ADM: variants seen among roughly 807,000 people sequenced by gnomAD.
The protein encoded by ADM is adrenomedullin, also known as pro-adrenomedullin.
A neutral mutation model predicts 9.0 loss-of-function variants in ADM; 4 were observed. The observed-to-expected ratio is 0.44, with a 90% CI of 0.22 to 1.02. The LOEUF (loss-of-function observed/expected upper bound fraction) is 1.02. Among genes scored for constraint, ADM ranks in the 50% least tolerant of loss-of-function variants. ADM has a pLI of 0.24. For synonymous variants in ADM, 107 were observed against 107.2 expected, an observed-to-expected ratio of 1.00 and a Z score of 0.01; for missense variants, 253 against 254.1, an observed-to-expected ratio of 1.00 and a Z score of 0.03.
Position 10,306,015 on chromosome 11 carries a change from G to C in ADM, c.165G>C (p.Gly55=), listed in dbSNP as rs1183678654. 1 of 1,613,942 alleles carries C rather than the reference G, an allele frequency of 6.2e-7. No individual in the cohort carries two copies. Among genetic ancestry groups the C allele is most frequent in the African/African-American group, 1.3e-5 (1 of 74,928 alleles). ...GGATGTCCAGCAGCTACCCCACCGG[G>C]CTCGCTGACGTGAAGGCCGGGCCTG... is the stretch of plus-strand genomic sequence containing the variant. ...ELRMSSSYPT[G]LADVKAGPAQ... is the part of the protein sequence containing the mutation. The change falls in exon 3 of 4, where the codon GGG becomes GGC. Residue 55 remains glycine, a synonymous_variant. Transcript: ENST00000278175.
chr11:10,306,124 G>A (rs1194833611), intron 3 of ADM, 26 bp downstream of exon 3: 5 of 1,610,996 alleles, frequency 3.1e-6, no homozygotes, highest in Non-Finnish European at 4.2e-6. Flanking sequence ...GCTGTCCAGG[G>A]ACGGGAGGGA....
intron 1 of ADM, chr11:10,305,443 A>G (rs1373799741): frequency 6.4e-5 from 34 of 529,250 alleles, no homozygotes; most frequent in Non-Finnish European, 4.8e-5. Context: ...CAAGAAGTTG[A>G]GCAGAGACCC....
intron 3 of ADM, 21 bp from the exon 4 acceptor site, chr11:10,306,311 T>TGGGGGGGGG: frequency 6.6e-5 from 102 of 1,543,324 alleles, no homozygotes; most frequent in Middle Eastern, 1.7e-4. Context: ...TTGCCTTTCT[T>TGGGGGGGGG]CCCCCTCCCC....
chr11:10,305,770 T>G lies in ADM; in HGVS notation c.70T>G (p.Leu24Val), dbSNP rs1406433799. The G allele has an allele frequency of 1.2e-6, 2 of 1,614,038 alleles. No homozygotes were observed. The highest frequency in any genetic ancestry group is 1.7e-6 in the Non-Finnish European group (2 of 1,180,020). The change falls in exon 2 of 4, where the codon TTG becomes GTG. Residue 24 changes from leucine (L) to valine (V), a missense_variant. By Grantham distance (32) the Leu-to-Val change is conservative. Transcript: ENST00000278175. Reference sequence around the variant, plus strand: ...CTTCCTAGGCGCTGACACCGCTCGGTTGGATGTCGCGTCGGAGTTTCGAAA... The same window carrying G: ...CTTCCTAGGCGCTGACACCGCTCGGGTGGATGTCGCGTCGGAGTTTCGAAA... ...LAFLGADTARLDVASEFRKKW... is the reference protein window; with the variant it reads ...LAFLGADTARVDVASEFRKKW...
chr11:10,306,311 TCCCCCTCC>T lies in ADM; in HGVS notation c.249-16_249-9del. ...TGATGGGGTCTCAAGTTGCCTTTCTTCCCCCTCCCCCCGCCCGCAGCAGTCCGGATGCC... is the reference window on the plus strand; with the variant it reads ...TGATGGGGTCTCAAGTTGCCTTTCTTCCCCGCCCGCAGCAGTCCGGATGCC... On this transcript the variant is annotated splice_polypyrimidine_tract_variant and intron_variant, in intron 3 of 3. Transcript: ENST00000278175. 42 of 1,542,990 alleles carry T rather than the reference TCCCCCTCC, an allele frequency of 2.7e-5. No individual in the cohort carries two copies. The highest frequency in any genetic ancestry group is 3.5e-5 in the Non-Finnish European group (39 of 1,125,500).
chr11:10,306,145 G>A, intron 3 of ADM, 47 bp downstream of exon 3: 1 of 1,601,622 alleles, frequency 6.2e-7, no homozygotes. Context: ...AGGAAGGTGT[G>A]CGGGAGGAGT....
In ADM at chr11:10,307,382, A is replaced by ACT. The variant is rs1565453691; in HGVS notation, c.*742_*743dup. ...TGATATGCGAACAGCAAACCAATAAACTGTCTCAATGCTGATTCATTCTCT... is the reference window on the plus strand; with the variant it reads ...TGATATGCGAACAGCAAACCAATAAACTCTGTCTCAATGCTGATTCATTCTCT... On this transcript the variant is annotated 3_prime_UTR_variant, in exon 4 of 4. Transcript: ENST00000278175. This position sits in a 1 kb window ranked among gnomAD's most constrained non-coding sequence, Gnocchi z 4.5. The ACT allele has an allele frequency of 6.6e-6, 1 of 152,652 alleles. No individual in the cohort carries two copies. Among genetic ancestry groups the ACT allele is most frequent in the East Asian group, 1.9e-4 (1 of 5,196 alleles). The allele number at this position is 152,652 out of a possible 1,614,324, so 9.5% of individuals were successfully genotyped here. A position where few individuals can be genotyped will look rare whatever the true frequency, so the allele number is the denominator to read the frequency against.
chr11:10,306,336 C>T lies in ADM; in HGVS notation c.253C>T (p.Pro85Ser). ...GASRSPEDSS[P>S]DAARIRVKRY... ...TCCCCCTCCCCCCGCCCGCAGCAGT[C>T]CGGATGCCGCCCGCATCCGAGTCAA... Residue 85 changes from proline (P) to serine (S), a missense_variant, in exon 4 of 4, where the codon CCG (proline) becomes TCG (serine). By Grantham distance (74) the Pro-to-Ser change is moderately conservative (BLOSUM62 -1). Transcript: ENST00000278175. 6.2e-7 allele frequency: 1 copy of T among 1,600,044 alleles called. No homozygotes were observed.
In ADM at chr11:10,306,498, A is replaced by C. The variant is rs1467046970; in HGVS notation, c.415A>C (p.Ser139Arg). ...GGACAAGGACAACGTCGCCCCCAGG[A>C]GCAAGATCAGCCCCCAGGGCTACGG... ...DKDKDNVAPR[S>R]KISPQGYGRR... The change falls in exon 4 of 4, where the codon AGC becomes CGC. Residue 139 changes from serine (S) to arginine (R), a missense_variant. Ser to Arg is a moderately radical substitution (Grantham distance 110). Coordinates refer to ENST00000278175, the MANE Select transcript of ADM (RefSeq NM_001124.3). 1 of 1,611,160 alleles carries C rather than the reference A, an allele frequency of 6.2e-7. No homozygotes were observed. The highest frequency in any genetic ancestry group is 2.2e-5 in the East Asian group (1 of 44,768).
At position 10,306,626 on chromosome 11, in the gene ADM, T is replaced by C; in HGVS notation, c.543T>C (p.Ala181=). Residue 181 remains alanine (A), a synonymous_variant, in exon 4 of 4, where the codon GCT becomes GCC. Transcript: ENST00000278175. ...HGAPAPPSGS[A]PHFL Reference sequence around the variant, plus strand: ...CTCCAGCCCCCCCGAGTGGAAGTGCTCCCCACTTTCTTTAGGATTTAGGCG... The same window carrying C: ...CTCCAGCCCCCCCGAGTGGAAGTGCCCCCCACTTTCTTTAGGATTTAGGCG... 6.5e-7 allele frequency: 1 copy of C among 1,536,868 alleles called. No individual in the cohort carries two copies. Among genetic ancestry groups the C allele is most frequent in the Admixed American group, 2.2e-5 (1 of 45,498 alleles).
chr11:10,305,897 G>A (rs1964649719), intron 2 of ADM, 52 bp from the exon 3 acceptor site: 1 of 1,612,548 alleles, frequency 6.2e-7, no homozygotes, highest in Non-Finnish European at 8.5e-7. Context: ...AGCAGGGACA[G>A]GCCTGGGCGT....
intron 2 of ADM, 57 bp from the exon 3 acceptor site, chr11:10,305,892 G>A: frequency 6.2e-7 from 1 of 1,612,154 alleles, no homozygotes; most frequent in Non-Finnish European, 8.5e-7. Flanking sequence ...ATGGGAGCAG[G>A]GACAGGCCTG....
Position 10,306,032 on chromosome 11 carries a change from C to T in ADM, c.182C>T (p.Ala61Val). 6.2e-7 allele frequency: 1 copy of T among 1,614,118 alleles called. No individual in the cohort carries two copies. The highest frequency in any genetic ancestry group is 8.5e-7 in the Non-Finnish European group (1 of 1,180,040). ...SYPTGLADVK[A>V]GPAQTLIRPQ... Reference sequence around the variant, plus strand: ...CCCACCGGGCTCGCTGACGTGAAGGCCGGGCCTGCCCAGACCCTTATTCGG... The same window carrying T: ...CCCACCGGGCTCGCTGACGTGAAGGTCGGGCCTGCCCAGACCCTTATTCGG... The change falls in exon 3 of 4, where the codon GCC becomes GTC. Residue 61 changes from alanine to valine, a missense_variant. Ala to Val is a moderately conservative substitution (Grantham distance 64). Coordinates refer to ENST00000278175, the MANE Select transcript of ADM (RefSeq NM_001124.3).
At chr11:10,306,249 T>A in intron 3 of ADM, 83 bp from the exon 4 acceptor site, 2 of 1,555,552 alleles carry the variant, frequency 1.3e-6, no homozygotes, top group Admixed American at 1.8e-5. Flanking sequence ...GGCTCTAGAA[T>A]GGCTCCCGTT....
chr11:10,306,949 C>T lies in ADM; in HGVS notation c.*308C>T, dbSNP rs576918361. 3 of 287,642 alleles carry T rather than the reference C, an allele frequency of 1.0e-5. No individual in the cohort carries two copies. The highest frequency in any genetic ancestry group is 1.9e-5 in the Non-Finnish European group (3 of 155,716). 17.8% of individuals were successfully genotyped at this position (287,642 alleles called of 1,614,324 possible). The stretch of plus-strand genomic sequence containing the variant: ...ATGCTGAGACCCCCGGAGCAGGGGT[C>T]TGAGCCACAGCCGTGCTCGCCCACA... On this transcript the variant is annotated 3_prime_UTR_variant, in exon 4 of 4. Coordinates refer to ENST00000278175, the MANE Select transcript of ADM (RefSeq NM_001124.3).
At chr11:10,305,408 C>A (rs1389030139) in intron 1 of ADM, 179 bp downstream of exon 1, 4 of 452,116 alleles carry the variant, frequency 8.8e-6, no homozygotes, top group Non-Finnish European at 1.6e-5. Flanking sequence ...GAGACCCAGT[C>A]CCCTCTGCTC....
intron 1 of ADM, 190 bp from the exon 2 acceptor site, chr11:10,305,490 G>T: frequency 1.7e-6 from 1 of 579,132 alleles, no homozygotes; most frequent in Non-Finnish European, 3.1e-6. Context: ...CCTCCCCTGC[G>T]GGGCCTGTCA....
At chr11:10,306,274 C>T (rs764564742) in intron 3 of ADM, 58 bp from the exon 4 acceptor site, 4 of 1,584,142 alleles carry the variant, frequency 2.5e-6, no homozygotes, top group Non-Finnish European at 2.6e-6. Context: ...GTGTTGGGGC[C>T]AAAGCTCTGC....
intron 1 of ADM, 134 bp from the exon 2 acceptor site, chr11:10,305,546 G>C: frequency 4.3e-6 from 3 of 702,836 alleles, no homozygotes; most frequent in Non-Finnish European, 7.0e-6. Context: ...CTGCGCGGAG[G>C]GAGATAAGCG....
Sources: gnomAD v4.1 joint callset for allele counts on GRCh38, gnomAD v4.1.1 for gene constraint, Gnocchi (gnomAD v3.1) non-coding constraint, MANE v1.5 for transcripts, NCBI Gene and HGNC (gene_info 2026-07-23, HGNC 2026-07-21) for gene names.